The following METTL9 variants were observed in gnomAD, a reference collection of about 807,000 sequenced individuals.
METTL9 encodes protein-L-histidine N-pros-methyltransferase.
Under a neutral mutation model 36.0 loss-of-function variants are expected in METTL9, and 10 were observed. That is an observed-to-expected ratio of 0.28 (90% CI 0.17 to 0.47). METTL9 has a LOEUF of 0.47. METTL9 is among the 20% of genes least tolerant of loss of function. The pLI, the probability that METTL9 is intolerant of heterozygous loss-of-function variation, is 0.99. For synonymous variants in METTL9, 175 were observed against 149.7 expected, an observed-to-expected ratio of 1.17 and a Z score of -1.23; for missense variants, 246 against 383.5, an observed-to-expected ratio of 0.64 and a Z score of 3.00.
At chr16:21,645,820 T>A (rs1400182863) in intron 4 of METTL9, among the ~76,000 whole-genome samples, 1 of 152,242 alleles carries the variant, frequency 6.6e-6, no homozygotes, top group Non-Finnish European at 1.5e-5. Flanking sequence ...TGTTATTTGC[T>A]ATATGCCAGG....
intron 4 of METTL9, among the ~76,000 whole-genome samples, chr16:21,630,283 C>T (rs1022970512): frequency 3.3e-5 from 5 of 152,236 alleles, no homozygotes; most frequent in African/African-American, 4.8e-5. Context: ...CGGGGCCTGC[C>T]GAGCCTGCGC....
At chr16:21,614,389 T>C (rs1965503343) in intron 2 of METTL9, among the ~76,000 whole-genome samples, 2 of 152,180 alleles carry the variant, frequency 1.3e-5, no homozygotes, top group Non-Finnish European at 1.5e-5. Flanking sequence ...TTCAAACTTT[T>C]ATTTCCCCTT....
chr16:21,627,071 C>T (rs563757125), intron 4 of METTL9: 1 of 985,374 alleles, frequency 1.0e-6, no homozygotes, highest in East Asian at 1.1e-4. Flanking sequence ...AGACCTGAGA[C>T]AAGAAGCCTT....
At chr16:21,614,359 T>C (rs1196714245) in intron 2 of METTL9, among the ~76,000 whole-genome samples, 1 of 152,134 alleles carries the variant, frequency 6.6e-6, no homozygotes, top group Non-Finnish European at 1.5e-5. Flanking sequence ...ATTCAACATT[T>C]TGTGTATGAT....
At chr16:21,642,257 A>G (rs935473971) in intron 4 of METTL9, 3 of 151,960 alleles carry the variant, frequency 2.0e-5, no homozygotes, top group Non-Finnish European at 4.4e-5. Flanking sequence ...GTTTAAGAGG[A>G]AAATATCTTT....
chr16:21,622,141 C>CT lies in METTL9; in HGVS notation c.567-2769dup, dbSNP rs541282506. 6.8e-3 allele frequency among the ~76,000 whole-genome samples: 239 copies of CT among 34,918 alleles called. 42 individuals carry two copies. The highest frequency in any genetic ancestry group is 0.019 in the African/African-American group (109 of 5,642). The allele number at this position is 34,918 out of a possible 152,430, so 22.9% of individuals were successfully genotyped here. A position where few individuals can be genotyped will look rare whatever the true frequency, so the allele number is the denominator to read the frequency against. On this transcript the variant is annotated intron_variant, in intron 3 of 4. Coordinates refer to ENST00000358154, the MANE Select transcript of METTL9 (RefSeq NM_016025.5). Reference sequence around the variant, plus strand: ...ATAGGTGTGAGCCACCATGCCTGGCCTTTTTTTTTTTTTTTTTTTTTGAGA... The same window carrying CT: ...ATAGGTGTGAGCCACCATGCCTGGCCTTTTTTTTTTTTTTTTTTTTTTGAGA...
intron 4 of METTL9, chr16:21,627,133 C>G (rs1965834137): frequency 1.0e-6 from 1 of 985,214 alleles, no homozygotes; most frequent in Non-Finnish European, 1.2e-6. Context: ...CGCGCCACGG[C>G]ACTCTATTAT....
chr16:21,597,344 G>C (rs1367321229), upstream of METTL9: 11 of 1,218,838 alleles, frequency 9.0e-6, no homozygotes, highest in Non-Finnish European at 9.7e-6. Flanking sequence ...CAAATCATTT[G>C]ATCATCGGAT....
chr16:21,605,257 C>CTTTTTTTTTTTTT lies in METTL9; in HGVS notation c.165+5386_165+5398dup, dbSNP rs3046231. Among the ~76,000 whole-genome samples, 139 of 51,234 alleles carry CTTTTTTTTTTTTT rather than the reference C, an allele frequency of 2.7e-3. 37 individuals carry two copies. Among genetic ancestry groups the CTTTTTTTTTTTTT allele is most frequent in the Non-Finnish European group, 3.3e-3 (85 of 25,856 alleles). The allele number at this position is 51,234 out of a possible 152,430, so 33.6% of individuals were successfully genotyped here. ...GGGGTGGTAAAAATAGGCTTGCCTT[C>CTTTTTTTTTTTTT]TTTTTTTTTTTTTTTTTTTTTTTTT... On this transcript the variant is annotated intron_variant, in intron 1 of 4. Coordinates refer to ENST00000358154, the MANE Select transcript of METTL9 (RefSeq NM_016025.5).
At chr16:21,619,934 A>G (rs1965654077) in intron 3 of METTL9, among the ~76,000 whole-genome samples, 2 of 152,210 alleles carry the variant, frequency 1.3e-5, no homozygotes, top group South Asian at 4.1e-4. Context: ...ACTTTTACAG[A>G]TTAATCCTAG....
chr16:21,613,105 C>T (rs1965467996), intron 2 of METTL9, among the ~76,000 whole-genome samples: 1 of 146,762 alleles, frequency 6.8e-6, no homozygotes, highest in Admixed American at 6.9e-5. Flanking sequence ...TAGGAATCAC[C>T]TGGGGGTCTT....
chr16:21,629,093 T>C (rs566939075), intron 4 of METTL9, among the ~76,000 whole-genome samples: 4 of 152,012 alleles, frequency 2.6e-5, no homozygotes, highest in East Asian at 1.9e-4. Context: ...AGGGTTTCGC[T>C]ATGTTGGCCA....
intron 4 of METTL9, among the ~76,000 whole-genome samples, chr16:21,637,334 A>G (rs1966125450): frequency 6.6e-6 from 1 of 152,028 alleles, no homozygotes. Context: ...CTTTAGCTAG[A>G]CACAAGTTCT....
chr16:21,607,722 C>A (rs1965324211), intron 1 of METTL9, among the ~76,000 whole-genome samples: 1 of 152,198 alleles, frequency 6.6e-6, no homozygotes, highest in Non-Finnish European at 1.5e-5. Context: ...ACATGGTAGG[C>A]TCCAGCCAAG....
intron 4 of METTL9, among the ~76,000 whole-genome samples, chr16:21,635,615 C>G (rs895357356): frequency 3.3e-5 from 5 of 152,032 alleles, no homozygotes; most frequent in African/African-American, 1.2e-4. Flanking sequence ...GCCATTTTTC[C>G]CCATCAGAGA....
chr16:21,612,849 G>A lies in METTL9; in HGVS notation c.356+14G>A. 1 of 1,552,594 alleles carries A rather than the reference G, an allele frequency of 6.4e-7. No homozygotes were observed. The highest frequency in any genetic ancestry group is 8.7e-7 in the Non-Finnish European group (1 of 1,153,232). ...ATCTATCAATGGGTAAGTGAATCTT[G>A]GACATTTATTTTTTTCTTTATCCTT... On this transcript the variant is annotated intron_variant, in intron 2 of 4. Transcript: ENST00000358154.
At chr16:21,602,570 T>A (rs548859476) in intron 1 of METTL9, among the ~76,000 whole-genome samples, 1 of 152,308 alleles carries the variant, frequency 6.6e-6, no homozygotes, top group African/African-American at 2.4e-5. Context: ...TTTATATTTT[T>A]AAATGGTTAC....
At chr16:21,651,588 A>C (rs1966577340) in intron 4 of METTL9, among the ~76,000 whole-genome samples, 1 of 152,142 alleles carries the variant, frequency 6.6e-6, no homozygotes. Flanking sequence ...GGCATGAACC[A>C]CCACGCCCAG....
intron 4 of METTL9, among the ~76,000 whole-genome samples, chr16:21,636,222 C>A (rs1054449950): frequency 1.2e-4 from 19 of 152,138 alleles, no homozygotes; most frequent in African/African-American, 4.1e-4. Context: ...CTGAGGCTCC[C>A]CATATCCTAG....
Sources: allele counts gnomAD v4.1 joint callset (sites outside exome capture counted in the v4.1 genomes callset), GRCh38; gene constraint gnomAD v4.1.1; transcripts MANE v1.5; gene names NCBI Gene and HGNC (gene_info 2026-07-23, HGNC 2026-07-21).